The following ZMYND8 variants were observed in gnomAD, a reference collection of about 807,000 sequenced individuals.
The protein encoded by ZMYND8 is MYND-type zinc finger-containing chromatin reader ZMYND8.
A neutral mutation model predicts 140.8 loss-of-function variants in ZMYND8; 37 were observed. That is an observed-to-expected ratio of 0.26 (90% CI 0.20 to 0.35). ZMYND8 has a LOEUF of 0.35. Among genes scored for constraint, ZMYND8 ranks in the 10% least tolerant of loss-of-function variants. The probability of loss-of-function intolerance (pLI) is 1.00; values close to 1 mark genes in which losing one functional copy is unlikely to be tolerated. For missense variants in ZMYND8, 1,068 were observed against 1,570.0 expected (o/e 0.68, Z 5.40); for synonymous variants, 592 against 597.1 (o/e 0.99, Z 0.12).
At chr20:47,349,974 C>A in intron 1 of ZMYND8, 3 of 1,526,446 alleles carry the variant, frequency 2.0e-6, no homozygotes, top group South Asian at 2.4e-5. Context: ...CTGAATACTT[C>A]AGGCAGGAAT....
chr20:47,279,729 T>C (rs1011164499), intron 10 of ZMYND8, among the ~76,000 whole-genome samples: 7 of 150,070 alleles, frequency 4.7e-5, no homozygotes, highest in Admixed American at 2.0e-4. Context: ...CACTGCCCAG[T>C]ACATAAAAGG....
intron 8 of ZMYND8, chr20:47,285,929 G>A: frequency 3.8e-6 from 3 of 788,796 alleles, no homozygotes; most frequent in Non-Finnish European, 4.6e-6. Flanking sequence ...GGTGGCTGAG[G>A]CCTATATTCC....
intron 14 of ZMYND8, among the ~76,000 whole-genome samples, chr20:47,241,724 C>A (rs1012100293): frequency 4.6e-5 from 7 of 152,074 alleles, no homozygotes; most frequent in Non-Finnish European, 8.8e-5. Flanking sequence ...GGAACACACA[C>A]CACACCCAGG....
At chr20:47,249,145 A>G in intron 13 of ZMYND8, 142 bp downstream of exon 13, 1 of 1,020,194 alleles carries the variant, frequency 9.8e-7, no homozygotes, top group Non-Finnish European at 1.4e-6. Flanking sequence ...GTGGAAATAT[A>G]TTTTAGCTGA....
At chr20:47,247,555 C>T (rs1023126295) in intron 13 of ZMYND8, among the ~76,000 whole-genome samples, 4 of 152,182 alleles carry the variant, frequency 2.6e-5, no homozygotes, top group South Asian at 2.1e-4. Flanking sequence ...CCATTTACGG[C>T]TCCTGCCCCC....
intron 12 of ZMYND8, among the ~76,000 whole-genome samples, chr20:47,252,065 G>A (rs760626992): frequency 3.3e-5 from 5 of 151,986 alleles, no homozygotes; most frequent in African/African-American, 9.7e-5. Flanking sequence ...AGGCCAAGGC[G>A]GGAGGATCAC....
intron 22 of ZMYND8, among the ~76,000 whole-genome samples, chr20:47,212,354 C>T (rs929737738): frequency 3.3e-5 from 5 of 152,182 alleles, no homozygotes; most frequent in Admixed American, 6.5e-5. Flanking sequence ...CTGCCATAGC[C>T]AATCACCACA....
At chr20:47,236,293 G>A in intron 16 of ZMYND8, 33 bp downstream of exon 16, 1 of 1,613,190 alleles carries the variant, frequency 6.2e-7, no homozygotes, top group African/African-American at 1.3e-5. Flanking sequence ...CCAGGTGTCT[G>A]CCATCTCCAC....
At chr20:47,329,740 G>T (rs2080776111) in intron 2 of ZMYND8, among the ~76,000 whole-genome samples, 1 of 152,156 alleles carries the variant, frequency 6.6e-6, no homozygotes, top group Non-Finnish European at 1.5e-5. Flanking sequence ...TACAGCTAGT[G>T]GCGACTGTGT....
intron 21 of ZMYND8, among the ~76,000 whole-genome samples, chr20:47,213,655 A>AAG (rs1217239455): frequency 6.6e-6 from 1 of 152,194 alleles, no homozygotes; most frequent in Non-Finnish European, 1.5e-5. Context: ...GGACTGCCAA[A>AAG]AGAGGGGTCA....
intron 11 of ZMYND8, among the ~76,000 whole-genome samples, chr20:47,262,881 A>C (rs2075258445): frequency 6.6e-6 from 1 of 152,148 alleles, no homozygotes; most frequent in African/African-American, 2.4e-5. Context: ...CCTGCCAGGG[A>C]CCAACTTGGC....
intron 22 of ZMYND8, among the ~76,000 whole-genome samples, chr20:47,212,023 G>C (rs1415897894): frequency 6.6e-6 from 1 of 152,216 alleles, no homozygotes; most frequent in Non-Finnish European, 1.5e-5. Flanking sequence ...CTGGGGGCAA[G>C]GGCGGAGTCT....
chr20:47,300,971 C>T (rs1166870928), intron 3 of ZMYND8, among the ~76,000 whole-genome samples: 2 of 147,856 alleles, frequency 1.4e-5, no homozygotes, highest in Non-Finnish European at 3.0e-5. Flanking sequence ...AGGGTTTCAC[C>T]ATGTTACCCA....
At chr20:47,310,631 C>T (rs534169460) in intron 2 of ZMYND8, among the ~76,000 whole-genome samples, 1 of 151,820 alleles carries the variant, frequency 6.6e-6, no homozygotes, top group Admixed American at 6.6e-5. Context: ...ACTAAGAGTA[C>T]AAAAATTAGC....
At chr20:47,229,038 C>T (rs2038108585) in intron 17 of ZMYND8, among the ~76,000 whole-genome samples, 1 of 151,744 alleles carries the variant, frequency 6.6e-6, no homozygotes, top group South Asian at 2.1e-4. Flanking sequence ...TTCTGTCTCC[C>T]AGGCTAGAGT....
At chr20:47,308,441 G>A (rs1266976412) in intron 3 of ZMYND8, among the ~76,000 whole-genome samples, 2 of 151,918 alleles carry the variant, frequency 1.3e-5, no homozygotes, top group Non-Finnish European at 2.9e-5. Flanking sequence ...GGCTGGTCTC[G>A]AACTCCTGAC....
chr20:47,227,098 C>T, intron 18 of ZMYND8, 105 bp downstream of exon 18: 1 of 1,218,990 alleles, frequency 8.2e-7, no homozygotes, highest in Non-Finnish European at 1.2e-6. Context: ...GTCATACAAT[C>T]CTAGCCTAGC....
chr20:47,219,235 T>G (rs983472592), intron 21 of ZMYND8, among the ~76,000 whole-genome samples: 3 of 151,334 alleles, frequency 2.0e-5, no homozygotes, highest in African/African-American at 7.3e-5. Context: ...TTTTTGTACT[T>G]TTAGTAGAGA....
intron 12 of ZMYND8, among the ~76,000 whole-genome samples, chr20:47,249,870 A>G (rs2074028349): frequency 1.3e-5 from 2 of 151,108 alleles, no homozygotes; most frequent in African/African-American, 4.9e-5. Context: ...TGTATCCAAG[A>G]AAGATGGCGA....
Sources: gnomAD v4.1 joint callset for allele counts (sites outside exome capture counted in the v4.1 genomes callset) on GRCh38, gnomAD v4.1.1 for gene constraint, MANE v1.5 for transcripts, NCBI Gene and HGNC (gene_info 2026-07-23, HGNC 2026-07-21) for gene names.